The following IGDCC4 variants were observed in gnomAD, a reference collection of about 807,000 sequenced individuals.
IGDCC4 encodes likely ortholog of mouse neighbor of Punc E11.
A neutral mutation model predicts 116.6 loss-of-function variants in IGDCC4; 72 were observed. The observed-to-expected ratio is 0.62, with a 90% confidence interval of 0.51 to 0.75. The LOEUF is 0.75. Among genes scored for constraint, IGDCC4 ranks in the 30% least tolerant of loss-of-function variants. IGDCC4 has a pLI of 0.00. For synonymous variants in IGDCC4, 709 were observed against 719.9 expected, an observed-to-expected ratio of 0.98 and a Z score of 0.24; for missense variants, 1,501 against 1,662.4, an observed-to-expected ratio of 0.90 and a Z score of 1.69.
rs776553171 is a variant in IGDCC4, at chr15:65,400,812, G to A, written c.835C>T (p.Arg279Ter). ...ADPTPFVSWV[R>*]QDGKPISTDV... ...TCCCACCCCCTCCACTCACCTTGTC[G>A]GACCCAGGACACAAAAGGGGTGGGG... Residue 279 changes from arginine to a stop codon, truncating the protein, a stop_gained, in exon 5 of 20, where the codon CGA becomes TGA. Coordinates refer to ENST00000352385, the MANE Select transcript of IGDCC4 (RefSeq NM_020962.3). LOFTEE classifies it high-confidence loss of function. The A allele has an allele frequency of 9.4e-6, 15 of 1,599,512 alleles. No homozygotes were observed. Among genetic ancestry groups the A allele is most frequent in the East Asian group, 2.3e-5 (1 of 44,414 alleles).
chr15:65,401,266 C>T (rs2062983386), intron 4 of IGDCC4, among the ~76,000 whole-genome samples: 1 of 152,214 alleles, frequency 6.6e-6, no homozygotes, highest in African/African-American at 2.4e-5. Context: ...ATGGGCAAAG[C>T]ACCAGACTTG....
chr15:65,407,930 G>A (rs185602146), intron 3 of IGDCC4, among the ~76,000 whole-genome samples: 2 of 151,042 alleles, frequency 1.3e-5, no homozygotes, highest in Admixed American at 6.6e-5. Context: ...CACCGCGCCC[G>A]GCCTAAGTTT....
In IGDCC4 at chr15:65,393,447, C is replaced by T. The variant is rs766744430; in HGVS notation, c.1799G>A (p.Arg600Gln). The T allele has an allele frequency of 4.3e-6, 7 of 1,613,710 alleles. No individual in the cohort carries two copies. The highest frequency in any genetic ancestry group is 3.3e-5 in the Admixed American group (2 of 59,950). Residue 600 changes from arginine (R) to glutamine (Q), a missense_variant, in exon 10 of 20, where the codon CGG becomes CAG. By Grantham distance (43) the Arg-to-Gln change is conservative (BLOSUM62 1). Around this residue, in one of 3 missense-constraint regions of IGDCC4, gnomAD observed 898 missense variants for 978.9 expected, o/e 0.92. Coordinates refer to ENST00000352385, the MANE Select transcript of IGDCC4 (RefSeq NM_020962.3). The surrounding 1 kb of genome is among the most constrained non-coding windows in gnomAD (Gnocchi z 4.6). ...GCCGGCTGCTGTACCAGCCGAAATC[C>T]GTACTCGATACACCTTGTTTGGCTG... is the stretch of plus-strand genomic sequence containing the variant. Reference protein sequence around the residue: ...SLQPNKVYRVRISAGTAAGFG... With the variant: ...SLQPNKVYRVQISAGTAAGFG...
chr15:65,406,876 G>T (rs546739073), intron 3 of IGDCC4, among the ~76,000 whole-genome samples: 1 of 152,302 alleles, frequency 6.6e-6, no homozygotes, highest in African/African-American at 2.4e-5. Context: ...GACGTTGGGG[G>T]TGGTGGGGAG....
rs2091412740 is a variant in IGDCC4 at position 65,382,710 on chromosome 15, C to T, written c.*1299G>A. ...TCCTGTGCAAAGACCTCCTTGCCAG[C>T]ACCCCAGAGGGTGAGATTCCTGTCA... On this transcript the variant is annotated 3_prime_UTR_variant, in exon 20 of 20. Transcript: ENST00000352385. 6.6e-6 allele frequency: 1 copy of T among 152,144 alleles called. No homozygotes were observed. Among genetic ancestry groups the T allele is most frequent in the South Asian group, 2.1e-4 (1 of 4,832 alleles). 9.4% of individuals were successfully genotyped at this position (152,144 alleles called of 1,614,324 possible). A position where few individuals can be genotyped will look rare whatever the true frequency, so the allele number is the denominator to read the frequency against.
rs1251003814 is a variant in IGDCC4, at chr15:65,386,023, G to A, written c.2988C>T (p.Pro996=). ...CTCTGGAGTACAGCGCGGGATTCCC[G>A]GGGGTGGCGGTGGAGGACAGGCCTG... ...SLPGLSSTAT[P]GNPALYSRAR... The change falls in exon 18 of 20, where the codon CCC becomes CCT. Residue 996 remains proline (P), a synonymous_variant. Coordinates refer to ENST00000352385, the MANE Select transcript of IGDCC4 (RefSeq NM_020962.3). 3.2e-6 allele frequency: 5 copies of A among 1,552,226 alleles called. No homozygotes were observed. Among genetic ancestry groups the A allele is most frequent in the Admixed American group, 2.2e-5 (1 of 45,090 alleles).
chr15:65,385,869 CA>C lies in IGDCC4; in HGVS notation c.3141del (p.Gly1048AlafsTer22). 6.2e-7 allele frequency: 1 copy of C among 1,612,864 alleles called. No homozygotes were observed. Among genetic ancestry groups the C allele is most frequent in the Non-Finnish European group, 8.5e-7 (1 of 1,180,038 alleles). On this transcript the variant is annotated frameshift_variant, in exon 18 of 20. Transcript: ENST00000352385. LOFTEE classifies it high-confidence loss of function. The part of the protein sequence containing the change: ...EDRAEVHSLM[G>X]GGVSEGRSHS... Reference sequence around the variant, plus strand: ...TGACTCCGGCCTTCAGAAACACCGCCACCCATAAGGCTGTGCACTTCAGCCC... The same window carrying C: ...TGACTCCGGCCTTCAGAAACACCGCCCCCATAAGGCTGTGCACTTCAGCCC...
chr15:65,420,170 C>T (rs2063177582), intron 1 of IGDCC4, among the ~76,000 whole-genome samples: 2 of 152,186 alleles, frequency 1.3e-5, no homozygotes, highest in Non-Finnish European at 2.9e-5. Flanking sequence ...TGGTGTTGAA[C>T]TCCTGACTTC....
chr15:65,405,267 T>C (rs1305752276), intron 3 of IGDCC4, among the ~76,000 whole-genome samples: 1 of 149,856 alleles, frequency 6.7e-6, no homozygotes, highest in Non-Finnish European at 1.5e-5. Context: ...TCTGTAGGAG[T>C]GAGATTACGG....
intron 1 of IGDCC4, among the ~76,000 whole-genome samples, chr15:65,416,226 C>T (rs1440908174): frequency 6.6e-6 from 1 of 150,724 alleles, no homozygotes; most frequent in African/African-American, 2.4e-5. Context: ...CAAGCTCCGC[C>T]TCCCGGGTTC....
At chr15:65,396,216 G>GGCCC in intron 6 of IGDCC4, 53 bp from the exon 7 acceptor site, 1 of 1,188,158 alleles carries the variant, frequency 8.4e-7, no homozygotes. Context: ...TAAGGTCTCT[G>GGCCC]CCCCCCCCCC....
At chr15:65,385,159 T>C in intron 18 of IGDCC4, 44 bp from the exon 19 acceptor site, 3 of 1,518,986 alleles carry the variant, frequency 2.0e-6, no homozygotes, top group East Asian at 5.0e-5. Context: ...ACGACCAGGA[T>C]TGGCTGGGAG....
rs2091429263 is a variant in IGDCC4, at chr15:65,384,165, G to A, written c.3597C>T (p.Cys1199=). 2 of 1,613,722 alleles carry A rather than the reference G, an allele frequency of 1.2e-6. No individual in the cohort carries two copies. Among genetic ancestry groups the A allele is most frequent in the African/African-American group, 2.7e-5 (2 of 75,010 alleles). The change falls in exon 20 of 20, where the codon TGC becomes TGT. Residue 1199 remains cysteine (C), a synonymous_variant. Coordinates refer to ENST00000352385, the MANE Select transcript of IGDCC4 (RefSeq NM_020962.3). This position sits in a 1 kb window ranked among gnomAD's most constrained non-coding sequence, Gnocchi z 4.9. ...LAAPGPDRLT[C]LPEAASASCS... The stretch of plus-strand genomic sequence containing the variant: ...AGGAAGCACTGGCTGCCTCTGGCAA[G>A]CAGGTAAGTCTGTCTGGCCCGGGGG...
At chr15:65,420,722 A>G (rs1187863203) in intron 1 of IGDCC4, among the ~76,000 whole-genome samples, 1 of 151,926 alleles carries the variant, frequency 6.6e-6, no homozygotes, top group East Asian at 1.9e-4. Context: ...AACTTTGCAC[A>G]TGCTGTTCTC....
intron 5 of IGDCC4, among the ~76,000 whole-genome samples, chr15:65,399,650 T>G (rs1478778337): frequency 6.6e-6 from 1 of 152,128 alleles, no homozygotes; most frequent in Non-Finnish European, 1.5e-5. Context: ...TAGGCAAGTG[T>G]CACAGGTCCA....
intron 8 of IGDCC4, 87 bp from the exon 9 acceptor site, chr15:65,394,635 A>C: frequency 7.5e-7 from 1 of 1,337,536 alleles, no homozygotes; most frequent in Non-Finnish European, 1.0e-6. Context: ...CCTGGGTCAC[A>C]CAGCAAGTCA....
chr15:65,384,378 C>A lies in IGDCC4; in HGVS notation c.3384G>T (p.Gln1128His). The change falls in exon 20 of 20, where the codon CAG (glutamine) becomes CAT (histidine). Residue 1128 changes from glutamine (Q) to histidine (H), a missense_variant. Physicochemically the swap from Gln to His is conservative, Grantham distance 24. Around this residue, in one of 3 missense-constraint regions of IGDCC4, gnomAD observed 368 missense variants for 355.6 expected, o/e 1.03. Coordinates refer to ENST00000352385, the MANE Select transcript of IGDCC4 (RefSeq NM_020962.3). The surrounding 1 kb of genome is among the most constrained non-coding windows in gnomAD (Gnocchi z 4.9). ...RKKSPPACRN[Q>H]VEAEVIVHSD... ...AGTGGACAATGACTTCAGCCTCCAC[C>A]TGGTTCCTGCAGGCTGGGGGTGACT... The A allele has an allele frequency of 6.5e-7, 1 of 1,540,646 alleles. No individual in the cohort carries two copies. The highest frequency in any genetic ancestry group is 1.3e-5 in the South Asian group (1 of 79,214).
chr15:65,405,143 T>TA lies in IGDCC4; in HGVS notation c.564-2657dup, dbSNP rs2063029256. Among the ~76,000 whole-genome samples, 3 of 131,894 alleles carry TA rather than the reference T, an allele frequency of 2.3e-5. No individual in the cohort carries two copies. The South Asian group carries it at 7.7e-4, about 34-fold the overall frequency. 86.5% of individuals were successfully genotyped at this position (131,894 alleles called of 152,430 possible). On this transcript the variant is annotated intron_variant, in intron 3 of 19. Transcript: ENST00000352385. ...ATATTAGTTAGTGGGGGGGGGGGAG[T>TA]AAAAAAACAGTGTTTATGAAGAAAT...
Position 65,392,167 on chromosome 15 carries a change from T to C in IGDCC4, c.2089A>G (p.Lys697Glu), listed in dbSNP as rs981874821. 6.8e-6 allele frequency: 11 copies of C among 1,613,190 alleles called. No homozygotes were observed. The highest frequency in any genetic ancestry group is 1.3e-5 in the African/African-American group (1 of 74,912). The change falls in exon 11 of 20, where the codon AAG becomes GAG. Residue 697 changes from lysine (K) to glutamate (E), a missense_variant. This residue lies in a region of IGDCC4 where 898 missense variants were observed against 978.9 expected (regional missense o/e 0.92). Coordinates refer to ENST00000352385, the MANE Select transcript of IGDCC4 (RefSeq NM_020962.3). ...GTCAGCTCATACTGCTTCACTTTCT[T>C]CTTGAGCCGGACAGGCCCCACATCC... is the stretch of plus-strand genomic sequence containing the variant. ...AWDVGPVRLK[K>E]KVKQYELTQL...
Sources: allele counts gnomAD v4.1 joint callset (sites outside exome capture counted in the v4.1 genomes callset), GRCh38; gene constraint gnomAD v4.1.1; regional missense constraint gnomAD v4.1.1; non-coding constraint Gnocchi (gnomAD v3.1); transcripts MANE v1.5; gene names NCBI Gene and HGNC (gene_info 2026-07-23, HGNC 2026-07-21).